ZER1: variants seen among roughly 807,000 people sequenced by gnomAD.
ZER1 encodes zyg-11 related cell cycle regulator.
In ZER1, 11 loss-of-function variants were observed where a neutral mutation model predicts 78.8. That is an observed-to-expected ratio of 0.14 (90% CI 0.09 to 0.23). The LOEUF (loss-of-function observed/expected upper bound fraction) is 0.23, where lower values mean the gene tolerates loss of function less well. Ranked by LOEUF, ZER1 falls within the 10% of genes least tolerant of loss-of-function variation. ZER1 has a pLI of 1.00. For missense variants in ZER1, 588 were observed against 996.9 expected, an observed-to-expected ratio of 0.59 and a Z score of 5.52; for synonymous variants, 400 against 407.0, an observed-to-expected ratio of 0.98 and a Z score of 0.21.
chr9:128,748,551 A>T (rs1241784879), intron 8 of ZER1, among the ~76,000 whole-genome samples: 1 of 152,030 alleles, frequency 6.6e-6, no homozygotes, highest in African/African-American at 2.4e-5. Context: ...AGCCTTGGCA[A>T]CAAAGTGAGA....
chr9:128,770,856 C>T lies in ZER1; in HGVS notation c.-95+725G>A, dbSNP rs545206925. Among the ~76,000 whole-genome samples the T allele has an allele frequency of 3.9e-5, 6 of 152,216 alleles. No individual in the cohort carries two copies. The East Asian group carries it at 9.6e-4, about 24-fold the overall frequency. ...GATTTTCCCAAGACATCAGACATTC[C>T]ATTCCCCTCCCCCTTAAAAATCAAA... On this transcript the variant is annotated intron_variant, in intron 1 of 15. Transcript: ENST00000291900.
In ZER1 at chr9:128,740,332, C is replaced by G. The variant is rs368917460; in HGVS notation, c.1854-213G>C. 6.6e-6 allele frequency among the ~76,000 whole-genome samples: 1 copy of G among 152,192 alleles called. No individual in the cohort carries two copies. Among genetic ancestry groups the G allele is most frequent in the African/African-American group, 2.4e-5 (1 of 41,450 alleles). ...CAGTGGCTCACGCCTGTAATCCCAG[C>G]ACTTTGGGAGGTCAAGGCAGGTGGA... On this transcript the variant is annotated intron_variant, in intron 12 of 15. Coordinates refer to ENST00000291900, the MANE Select transcript of ZER1 (RefSeq NM_006336.4). The surrounding 1 kb of genome is among the most constrained non-coding windows in gnomAD (Gnocchi z 4.4).
intron 8 of ZER1, among the ~76,000 whole-genome samples, chr9:128,749,293 C>T (rs1863601754): frequency 6.6e-6 from 1 of 151,614 alleles, no homozygotes; most frequent in South Asian, 2.1e-4. Flanking sequence ...GTGCACTGCA[C>T]TCCAGCCTGG....
At chr9:128,742,044 C>T (rs1051339107) in intron 9 of ZER1, among the ~76,000 whole-genome samples, 2 of 152,228 alleles carry the variant, frequency 1.3e-5, no homozygotes, top group Non-Finnish European at 1.5e-5. Flanking sequence ...GCCCGGGTGC[C>T]GTTCCTGGCC....
chr9:128,753,785 G>A lies in ZER1; in HGVS notation c.309+24C>T. ...CCCCTGCTTGGTGTGGGCCCTCCTG[G>A]CGCTGTGGCGGGGCAGGTCTCACCT... On this transcript the variant is annotated intron_variant, in intron 3 of 15. Coordinates refer to ENST00000291900, the MANE Select transcript of ZER1 (RefSeq NM_006336.4). The surrounding 1 kb of genome is among the most constrained non-coding windows in gnomAD (Gnocchi z 7.5). The A allele has an allele frequency of 6.2e-7, 1 of 1,600,284 alleles. No individual in the cohort carries two copies. The highest frequency in any genetic ancestry group is 1.7e-4 in the Middle Eastern group (1 of 5,730).
Position 128,753,523 on chromosome 9 carries a change from G to A in ZER1, c.387C>T (p.His129=). ...KSLQTLRSFS[H]TLVSLSLFGC... ...CGAAGAGGCTCAAGGACACCAGGGT[G>A]TGGCTGAAGCTCCTCAGTGTCTGCA... The change falls in exon 4 of 16, where the codon CAC becomes CAT. Residue 129 remains histidine, a synonymous_variant. Coordinates refer to ENST00000291900, the MANE Select transcript of ZER1 (RefSeq NM_006336.4). This position sits in a 1 kb window ranked among gnomAD's most constrained non-coding sequence, Gnocchi z 7.5. 2 of 1,614,126 alleles carry A rather than the reference G, an allele frequency of 1.2e-6. No individual in the cohort carries two copies. The highest frequency in any genetic ancestry group is 1.1e-5 in the South Asian group (1 of 91,088).
intron 13 of ZER1, among the ~76,000 whole-genome samples, chr9:128,737,113 C>T (rs1413848907): frequency 1.3e-5 from 2 of 152,166 alleles, no homozygotes; most frequent in Admixed American, 1.3e-4. Context: ...CATTGCACTC[C>T]AGCCTGGGTG....
intron 8 of ZER1, among the ~76,000 whole-genome samples, chr9:128,744,908 T>C (rs1227454228): frequency 6.6e-6 from 1 of 152,222 alleles, no homozygotes; most frequent in African/African-American, 2.4e-5. Flanking sequence ...TCATCCATTC[T>C]ACTGCTGATG....
chr9:128,739,785 G>T, intron 13 of ZER1, 146 bp downstream of exon 13: 1 of 962,988 alleles, frequency 1.0e-6, no homozygotes, highest in South Asian at 1.7e-5. Context: ...TGCTGTGTGC[G>T]GCTACGTATC....
rs758738559 is a variant in ZER1 at position 128,753,961 on chromosome 9, TG to T, written c.159-3del. On this transcript the variant is annotated splice_polypyrimidine_tract_variant and splice_region_variant and intron_variant, in intron 2 of 15. Coordinates refer to ENST00000291900, the MANE Select transcript of ZER1 (RefSeq NM_006336.4). The surrounding 1 kb of genome is among the most constrained non-coding windows in gnomAD (Gnocchi z 7.5). Reference sequence around the variant, plus strand: ...GCAGCGTTCACCAGCTCCACATACCTGGGAGAGAAAAAAGCCTGGCTCAGGA... The same window carrying T: ...GCAGCGTTCACCAGCTCCACATACCTGGAGAGAAAAAAGCCTGGCTCAGGA... 1.3e-6 allele frequency: 2 copies of T among 1,582,238 alleles called. No homozygotes were observed. The highest frequency in any genetic ancestry group is 1.2e-5 in the South Asian group (1 of 86,564).
intron 1 of ZER1, among the ~76,000 whole-genome samples, chr9:128,758,140 GAT>G: frequency 7.2e-6 from 1 of 139,516 alleles, no homozygotes; most frequent in South Asian, 2.3e-4. Flanking sequence ...TTTTTTTTGA[GAT>G]AGAGTCTTGC....
At chr9:128,746,671 C>T (rs924140283) in intron 8 of ZER1, among the ~76,000 whole-genome samples, 2 of 151,482 alleles carry the variant, frequency 1.3e-5, no homozygotes, top group African/African-American at 4.9e-5. Context: ...GTTTCACTCT[C>T]GTCACCCAGG....
chr9:128,772,090 G>C (rs893261329), upstream of ZER1: 3 of 152,016 alleles, frequency 2.0e-5, no homozygotes, highest in African/African-American at 7.2e-5. Flanking sequence ...GCCGCGGGAT[G>C]CCCCCCCCAG....
Position 128,751,570 on chromosome 9 carries a change from C to G in ZER1, c.924-43G>C. On this transcript the variant is annotated intron_variant, in intron 5 of 15. Coordinates refer to ENST00000291900, the MANE Select transcript of ZER1 (RefSeq NM_006336.4). This position sits in a 1 kb window ranked among gnomAD's most constrained non-coding sequence, Gnocchi z 5.4. ...CGGTGTCAGTGGCTTGGGACCCAGG[C>G]CTGAGCTGGGCCTCCCCACTGGGGG... 6.4e-7 allele frequency: 1 copy of G among 1,573,354 alleles called. No individual in the cohort carries two copies. The highest frequency in any genetic ancestry group is 8.7e-7 in the Non-Finnish European group (1 of 1,151,488).
At chr9:128,756,748 C>G (rs1265017057) in intron 1 of ZER1, among the ~76,000 whole-genome samples, 2 of 152,032 alleles carry the variant, frequency 1.3e-5, no homozygotes, top group African/African-American at 4.8e-5. Context: ...AGAGTAACTG[C>G]CAGTGTGTAT....
chr9:128,741,417 C>T, intron 11 of ZER1, 118 bp downstream of exon 11: 2 of 1,475,136 alleles, frequency 1.4e-6, no homozygotes, highest in South Asian at 2.4e-5. Context: ...TCCCCACTGC[C>T]CTTCTCCAGG....
intron 1 of ZER1, among the ~76,000 whole-genome samples, chr9:128,760,641 A>G (rs1028712287): frequency 6.6e-6 from 1 of 152,114 alleles, no homozygotes; most frequent in African/African-American, 2.4e-5. Context: ...AAATACAAAA[A>G]AAAAAGCTGG....
intron 1 of ZER1, among the ~76,000 whole-genome samples, chr9:128,760,036 C>A (rs117369532): frequency 6.6e-6 from 1 of 151,262 alleles, no homozygotes; most frequent in Non-Finnish European, 1.5e-5. Flanking sequence ...TGTGCCACCA[C>A]GCCCAGTAAA....
In ZER1 at chr9:128,753,760, C is replaced by G. The variant is rs1408514739; in HGVS notation, c.309+49G>C. ...GCTGGGCTGGAGGCGAGCAGCCTGG[C>G]CCCTGCTTGGTGTGGGCCCTCCTGG... On this transcript the variant is annotated intron_variant, in intron 3 of 15. Transcript: ENST00000291900. This position sits in a 1 kb window ranked among gnomAD's most constrained non-coding sequence, Gnocchi z 7.5. The G allele has an allele frequency of 6.3e-7, 1 of 1,583,846 alleles. No individual in the cohort carries two copies. Among genetic ancestry groups the G allele is most frequent in the East Asian group, 2.3e-5 (1 of 44,230 alleles).
Sources: allele counts gnomAD v4.1 joint callset (sites outside exome capture counted in the v4.1 genomes callset), GRCh38; gene constraint gnomAD v4.1.1; non-coding constraint Gnocchi (gnomAD v3.1); transcripts MANE v1.5; gene names NCBI Gene and HGNC (gene_info 2026-07-23, HGNC 2026-07-21).